BTG4: variants seen among roughly 807,000 people sequenced by gnomAD.
BTG4 encodes BTG anti-proliferation factor 4, also known as protein BTG4.
BTG4 carries 10 observed loss-of-function variants against 19.3 expected under a neutral mutation model. The ratio of observed to expected loss-of-function variants is 0.52; its 90% CI spans 0.32 to 0.88. BTG4 has a LOEUF of 0.88. Ranked by LOEUF, BTG4 falls within the 40% of genes least tolerant of loss-of-function variation. BTG4 has a pLI of 0.04. For synonymous variants in BTG4, 91 were observed against 95.7 expected, an observed-to-expected ratio of 0.95 and a Z score of 0.29; for missense variants, 238 against 281.9, an observed-to-expected ratio of 0.84 and a Z score of 1.11.
At chr11:111,395,396 G>C in the BTG4 span, among the ~76,000 whole-genome samples, 2 of 147,788 alleles carry the variant, frequency 1.4e-5, no homozygotes, top group Non-Finnish European at 2.9e-5. Context: ...CCCTGCTCCC[G>C]GCAACCCCAG....
At chr11:111,430,129 T>C in the BTG4 span, among the ~76,000 whole-genome samples, 4 of 152,222 alleles carry the variant, frequency 2.6e-5, no homozygotes, top group Admixed American at 6.5e-5. Flanking sequence ...AAGTTTATTT[T>C]GCCAAGGTTA....
chr11:111,478,954 C>G (rs1392939697), intron 5 of BTG4, among the ~76,000 whole-genome samples: 1 of 105,754 alleles, frequency 9.5e-6, no homozygotes, highest in Admixed American at 1.1e-4. Flanking sequence ...AAAAAATACT[C>G]AGAGAATAGC....
At chr11:111,497,545 C>T (rs1865811649) in intron 3 of BTG4, 136 bp from the exon 4 acceptor site, 6 of 498,636 alleles carry the variant, frequency 1.2e-5, no homozygotes, top group Non-Finnish European at 2.0e-5. Context: ...ATGACCTTCA[C>T]CTACTACACT....
the BTG4 span, among the ~76,000 whole-genome samples, chr11:111,394,296 T>C: frequency 1.2e-4 from 18 of 152,182 alleles, no homozygotes; most frequent in Non-Finnish European, 2.2e-4. Context: ...CACCCAAATC[T>C]CATCTTGAAT....
the BTG4 span, among the ~76,000 whole-genome samples, chr11:111,430,071 A>T: frequency 2.0e-5 from 3 of 152,212 alleles, no homozygotes; most frequent in East Asian, 5.8e-4. Context: ...GTGCATTGTC[A>T]TGTGTTGTTA....
chr11:111,419,576 C>T, the BTG4 span, among the ~76,000 whole-genome samples: 2 of 152,236 alleles, frequency 1.3e-5, no homozygotes, highest in East Asian at 3.9e-4. Flanking sequence ...ATGGAGGCAA[C>T]TTCCAAGGAG....
At chr11:111,386,772 A>G in the BTG4 span, among the ~76,000 whole-genome samples, 2 of 152,360 alleles carry the variant, frequency 1.3e-5, no homozygotes, top group Non-Finnish European at 2.9e-5. Context: ...ATCCACAGGT[A>G]AAATACCGAA....
the BTG4 span, among the ~76,000 whole-genome samples, chr11:111,392,748 C>T: frequency 6.6e-6 from 1 of 152,162 alleles, no homozygotes; most frequent in Non-Finnish European, 1.5e-5. Context: ...GACATTCCAG[C>T]CTGCACAGTG....
At chr11:111,429,664 A>ATTTTTGT in the BTG4 span, among the ~76,000 whole-genome samples, 1 of 152,234 alleles carries the variant, frequency 6.6e-6, no homozygotes, top group South Asian at 2.1e-4. Flanking sequence ...AAAAGGTAGT[A>ATTTTTGT]AACTCCCAAA....
At chr11:111,510,400 G>C (rs1192384668) in intron 1 of BTG4, among the ~76,000 whole-genome samples, 1 of 152,132 alleles carries the variant, frequency 6.6e-6, no homozygotes, top group African/African-American at 2.4e-5. Context: ...ATCACCAAAA[G>C]CCCAGAAATT....
At position 111,494,867 on chromosome 11, in the gene BTG4, G is replaced by C; in HGVS notation, c.*268C>G. 3 of 979,590 alleles carry C rather than the reference G, an allele frequency of 3.1e-6. No homozygotes were observed. Among genetic ancestry groups the C allele is most frequent in the Non-Finnish European group, 3.6e-6 (3 of 824,710 alleles). 60.7% of individuals were successfully genotyped at this position (979,590 alleles called of 1,614,324 possible). A position where few individuals can be genotyped will look rare whatever the true frequency, so the allele number is the denominator to read the frequency against. Reference sequence around the variant, plus strand: ...ACCATTACTTTTCATAATTCATTGAGTCTTATTAGAGGTCAACATCTTCAT... The same window carrying C: ...ACCATTACTTTTCATAATTCATTGACTCTTATTAGAGGTCAACATCTTCAT... On this transcript the variant is annotated 3_prime_UTR_variant, in exon 5 of 5. Transcript: ENST00000692032.
the BTG4 span, chr11:111,417,916 C>T: frequency 7.3e-4 from 111 of 152,252 alleles, no homozygotes; most frequent in African/African-American, 2.5e-3. Flanking sequence ...TGCCTGGGAA[C>T]TTAGGGGATT....
At chr11:111,436,407 C>A in the BTG4 span, among the ~76,000 whole-genome samples, 1 of 152,156 alleles carries the variant, frequency 6.6e-6, no homozygotes, top group East Asian at 1.9e-4. Flanking sequence ...GGGTGGATCA[C>A]CTGAGGTCAG....
At position 111,495,261 on chromosome 11, in the gene BTG4, C is replaced by CT; in HGVS notation, c.563dup (p.Asn189GlufsTer22). On this transcript the variant is annotated frameshift_variant, in exon 5 of 5. Transcript: ENST00000692032. LOFTEE classifies it low-confidence loss of function (END_TRUNC). ...GGCCAACACGGCCGTCCACCACATTCTTTTTGCGGGGGATTTGTAACCAAG... is the reference window on the plus strand; with the variant it reads ...GGCCAACACGGCCGTCCACCACATTCTTTTTTGCGGGGGATTTGTAACCAAG... The CT allele has an allele frequency of 6.2e-7, 1 of 1,611,048 alleles. No individual in the cohort carries two copies. Among genetic ancestry groups the CT allele is most frequent in the Non-Finnish European group, 8.5e-7 (1 of 1,179,118 alleles).
chr11:111,386,950 G>C, the BTG4 span, among the ~76,000 whole-genome samples: 3 of 152,348 alleles, frequency 2.0e-5, no homozygotes, highest in African/African-American at 7.2e-5. Context: ...TAGAGTCAGA[G>C]AGCCTGGTTT....
chr11:111,395,244 G>C, the BTG4 span, among the ~76,000 whole-genome samples: 1 of 152,228 alleles, frequency 6.6e-6, no homozygotes, highest in East Asian at 1.9e-4. Flanking sequence ...AGACCGGCCT[G>C]AGGTCCCATG....
At chr11:111,441,261 T>C in the BTG4 span, among the ~76,000 whole-genome samples, 1 of 152,012 alleles carries the variant, frequency 6.6e-6, no homozygotes, top group Non-Finnish European at 1.5e-5. Context: ...AATCTCATAA[T>C]GTAATATCTC....
At chr11:111,442,472 G>A in the BTG4 span, among the ~76,000 whole-genome samples, 1 of 151,320 alleles carries the variant, frequency 6.6e-6, no homozygotes, top group Non-Finnish European at 1.5e-5. Flanking sequence ...CTGCACTCCA[G>A]CCTGCATGAC....
In BTG4 at chr11:111,498,027, T is replaced by C. The variant is rs759335900; in HGVS notation, c.282A>G (p.Ile94Met). Reference protein sequence around the residue: ...SHLGLPKEMTIWVDPFEVCCR... With the variant: ...SHLGLPKEMTMWVDPFEVCCR... The stretch of plus-strand genomic sequence containing the variant: ...AGCATACTTCAAAGGGATCTACCCA[T>C]ATGGTCATCTCCTTCGGAAGTCCCA... The change falls in exon 3 of 5, where the codon ATA becomes ATG. Residue 94 changes from isoleucine (I) to methionine (M), a missense_variant. Physicochemically the swap from Ile to Met is conservative, Grantham distance 10 (BLOSUM62 1). Transcript: ENST00000692032. The C allele has an allele frequency of 3.1e-6, 5 of 1,614,040 alleles. No individual in the cohort carries two copies. The South Asian group carries it at 3.3e-5, about 11-fold the overall frequency.
Sources: gnomAD v4.1 joint callset for allele counts (sites outside exome capture counted in the v4.1 genomes callset) on GRCh38, gnomAD v4.1.1 for gene constraint, MANE v1.5 for transcripts, NCBI Gene and HGNC (gene_info 2026-07-23, HGNC 2026-07-21) for gene names.